Variants in RNF150 observed in about 807,000 individuals in gnomAD.
The protein encoded by RNF150 is ring finger protein 150.
A neutral mutation model predicts 39.3 loss-of-function variants in RNF150; 24 were observed. The observed-to-expected ratio is 0.61, with a 90% CI of 0.44 to 0.86. RNF150 has a LOEUF of 0.86. Ranked by LOEUF, RNF150 falls within the 40% of genes least tolerant of loss-of-function variation. The pLI is 0.00. For synonymous variants in RNF150, 255 were observed against 227.3 expected, an observed-to-expected ratio of 1.12 and a Z score of -1.10; for missense variants, 502 against 587.8, an observed-to-expected ratio of 0.85 and a Z score of 1.51.
At chr4:141,143,929 T>C (rs1469348662) in intron 1 of RNF150, among the ~76,000 whole-genome samples, 1 of 152,212 alleles carries the variant, frequency 6.6e-6, no homozygotes, top group Non-Finnish European at 1.5e-5. Context: ...CTATTATATT[T>C]CACTCCTCTT....
intron 1 of RNF150, among the ~76,000 whole-genome samples, chr4:140,984,082 G>A (rs766820604): frequency 6.6e-6 from 1 of 152,064 alleles, no homozygotes; most frequent in Non-Finnish European, 1.5e-5. Context: ...GAGGTCAGAT[G>A]TAGAATTTTC....
chr4:141,033,599 C>A (rs964996323), intron 1 of RNF150, among the ~76,000 whole-genome samples: 17 of 152,280 alleles, frequency 1.1e-4, no homozygotes, highest in African/African-American at 3.4e-4. Flanking sequence ...AGAGGAATCA[C>A]TGGGCAGCGA....
At chr4:141,026,315 G>C (rs867704268) in intron 1 of RNF150, among the ~76,000 whole-genome samples, 12 of 152,328 alleles carry the variant, frequency 7.9e-5, no homozygotes, top group Middle Eastern at 3.4e-3. Flanking sequence ...AAAGAAAAAT[G>C]AGTATATATT....
chr4:141,054,805 C>T (rs1736907703), intron 1 of RNF150, among the ~76,000 whole-genome samples: 1 of 152,110 alleles, frequency 6.6e-6, no homozygotes, highest in Non-Finnish European at 1.5e-5. Context: ...AGACATGGCT[C>T]TGAACTGTAT....
intron 1 of RNF150, among the ~76,000 whole-genome samples, chr4:141,119,732 A>G (rs934806455): frequency 6.6e-6 from 1 of 152,182 alleles, no homozygotes; most frequent in African/African-American, 2.4e-5. Flanking sequence ...CAGAAGCCCA[A>G]GGATTTAGGG....
chr4:140,996,210 C>T (rs1237256615), intron 1 of RNF150, among the ~76,000 whole-genome samples: 4 of 152,080 alleles, frequency 2.6e-5, no homozygotes, highest in South Asian at 2.1e-4. Context: ...TTTTGATTTG[C>T]GTTTTTCTGA....
rs1433600116 is a variant in RNF150 at position 140,865,446 on chromosome 4, A to G, written c.*2815T>C. 4 of 152,472 alleles carry G rather than the reference A, an allele frequency of 2.6e-5. No individual in the cohort carries two copies. The highest frequency in any genetic ancestry group is 2.6e-4 in the Admixed American group (4 of 15,258). 9.4% of individuals were successfully genotyped at this position (152,472 alleles called of 1,614,324 possible). ...CTCTGACACTCATCTGTAGACTACC[A>G]GGTCTCCAGGTCAGTCTCTTCTTTG... On this transcript the variant is annotated 3_prime_UTR_variant, in exon 7 of 7. Transcript: ENST00000515673.
At chr4:141,093,792 G>A (rs1251370685) in intron 1 of RNF150, among the ~76,000 whole-genome samples, 1 of 152,112 alleles carries the variant, frequency 6.6e-6, no homozygotes, top group African/African-American at 2.4e-5. Flanking sequence ...AAGCCTGCAT[G>A]GGTGAGACTT....
chr4:141,179,243 A>G (rs1029363017), intron 1 of RNF150, among the ~76,000 whole-genome samples: 2 of 152,128 alleles, frequency 1.3e-5, no homozygotes, highest in Non-Finnish European at 2.9e-5. Flanking sequence ...AAATCTGTAA[A>G]TATGTCCTCA....
intron 5 of RNF150, among the ~76,000 whole-genome samples, chr4:140,915,003 A>C (rs916322916): frequency 5.9e-5 from 9 of 152,382 alleles, no homozygotes; most frequent in Admixed American, 2.0e-4. Flanking sequence ...TGAATAATCT[A>C]GTAGATCAGG....
At chr4:140,888,315 C>T (rs1403849095) in intron 6 of RNF150, among the ~76,000 whole-genome samples, 1 of 152,108 alleles carries the variant, frequency 6.6e-6, no homozygotes, top group Non-Finnish European at 1.5e-5. Flanking sequence ...GTTGATGTCC[C>T]AACAATAAAT....
intron 6 of RNF150, among the ~76,000 whole-genome samples, chr4:140,906,295 T>G (rs1403653451): frequency 1.3e-5 from 2 of 151,358 alleles, no homozygotes; most frequent in Non-Finnish European, 1.5e-5. Flanking sequence ...CTACCATGGC[T>G]CAAAAATACT....
At chr4:140,887,148 T>C (rs1287786594) in intron 6 of RNF150, among the ~76,000 whole-genome samples, 1 of 152,220 alleles carries the variant, frequency 6.6e-6, no homozygotes, top group African/African-American at 2.4e-5. Flanking sequence ...AGGATTTGAA[T>C]GCCAGGCTAA....
chr4:141,144,038 A>T (rs1156732428), intron 1 of RNF150, among the ~76,000 whole-genome samples: 4 of 152,176 alleles, frequency 2.6e-5, no homozygotes, highest in African/African-American at 9.7e-5. Flanking sequence ...AATGGTATTT[A>T]TTGAAATTAG....
At chr4:140,997,565 C>T (rs903756024) in intron 1 of RNF150, among the ~76,000 whole-genome samples, 1 of 152,078 alleles carries the variant, frequency 6.6e-6, no homozygotes, top group African/African-American at 2.4e-5. Flanking sequence ...AAAGACAAAG[C>T]TCTACGAATA....
intron 1 of RNF150, among the ~76,000 whole-genome samples, chr4:141,086,595 A>C (rs1385273514): frequency 6.6e-6 from 1 of 152,008 alleles, no homozygotes; most frequent in Non-Finnish European, 1.5e-5. Context: ...TGGTTTAGTA[A>C]ATAAAGGCTT....
chr4:141,207,476 G>T (rs997862287), intron 1 of RNF150, among the ~76,000 whole-genome samples: 1 of 152,124 alleles, frequency 6.6e-6, no homozygotes, highest in Non-Finnish European at 1.5e-5. Flanking sequence ...GAGAAGAAAT[G>T]TGGACAGCCT....
intron 5 of RNF150, among the ~76,000 whole-genome samples, chr4:140,911,785 A>G (rs572556103): frequency 4.3e-4 from 66 of 152,312 alleles, no homozygotes; most frequent in African/African-American, 1.5e-3. Flanking sequence ...CAAATATACT[A>G]ATGATATGAG....
At chr4:140,889,142 C>T (rs1390034002) in intron 6 of RNF150, among the ~76,000 whole-genome samples, 3 of 152,160 alleles carry the variant, frequency 2.0e-5, no homozygotes, top group East Asian at 1.9e-4. Flanking sequence ...CTCAGCCTCT[C>T]GAAGTGCTGG....
Sources: gnomAD v4.1 joint callset for allele counts (sites outside exome capture counted in the v4.1 genomes callset) on GRCh38, gnomAD v4.1.1 for gene constraint, MANE v1.5 for transcripts, NCBI Gene and HGNC (gene_info 2026-07-23, HGNC 2026-07-21) for gene names.